Variants in CYP4Z1 observed in about 807,000 individuals in gnomAD.
CYP4Z1 encodes cytochrome P450 family 4 subfamily Z member 1.
CYP4Z1 carries 41 observed loss-of-function variants against 54.2 expected under a neutral mutation model. The observed-to-expected ratio is 0.76, with a 90% confidence interval of 0.59 to 0.98. The LOEUF is 0.98. Ranked by LOEUF, CYP4Z1 falls within the 50% of genes least tolerant of loss-of-function variation. The pLI, the probability that CYP4Z1 is intolerant of heterozygous loss-of-function variation, is 0.00. For synonymous variants in CYP4Z1, 163 were observed against 206.2 expected (o/e 0.79, Z 1.79); for missense variants, 513 against 599.0 (o/e 0.86, Z 1.50).
At chr1:47,061,067 C>T in the CYP4Z1 span, among the ~76,000 whole-genome samples, 1 of 152,068 alleles carries the variant, frequency 6.6e-6, no homozygotes, top group Non-Finnish European at 1.5e-5. Context: ...GAGGGAAGTT[C>T]ATAGCATTAA....
the CYP4Z1 span, among the ~76,000 whole-genome samples, chr1:47,060,168 T>C: frequency 6.6e-6 from 1 of 152,240 alleles, no homozygotes; most frequent in East Asian, 1.9e-4. Flanking sequence ...CAATGTTTGC[T>C]CAAAACTTCT....
At chr1:47,087,583 G>A (rs1169451809) in intron 6 of CYP4Z1, among the ~76,000 whole-genome samples, 2 of 152,166 alleles carry the variant, frequency 1.3e-5, no homozygotes, top group Non-Finnish European at 2.9e-5. Flanking sequence ...ATCAGCTTAA[G>A]GAGATTTTGG....
intron 7 of CYP4Z1, chr1:47,096,922 G>C (rs1250777552): frequency 6.6e-6 from 1 of 152,422 alleles, no homozygotes; most frequent in East Asian, 1.9e-4. Context: ...GAGCCACTGT[G>C]CCTGGCCTCA....
At chr1:47,095,368 T>A (rs924675931) in intron 7 of CYP4Z1, among the ~76,000 whole-genome samples, 1 of 152,198 alleles carries the variant, frequency 6.6e-6, no homozygotes, top group African/African-American at 2.4e-5. Context: ...GTTTCCCTAG[T>A]GATTAGCACA....
intron 4 of CYP4Z1, 27 bp from the exon 5 acceptor site, chr1:47,084,592 TG>T: frequency 2.0e-6 from 3 of 1,535,648 alleles, no homozygotes; most frequent in Non-Finnish European, 2.6e-6. Flanking sequence ...GGCATGTGTA[TG>T]ATCATGATAT....
At chr1:47,091,209 A>G (rs1474778280) in intron 6 of CYP4Z1, among the ~76,000 whole-genome samples, 1 of 141,344 alleles carries the variant, frequency 7.1e-6, no homozygotes, top group African/African-American at 3.0e-5. Flanking sequence ...CTGCAGGGGA[A>G]TACTGGGATT....
intron 9 of CYP4Z1, among the ~76,000 whole-genome samples, chr1:47,114,688 T>C (rs536375556): frequency 1.1e-3 from 173 of 152,096 alleles, no homozygotes; most frequent in South Asian, 6.6e-3. Flanking sequence ...AACAGACACA[T>C]GAAAAAATGC....
In CYP4Z1 at chr1:47,106,189, G is replaced by T; in HGVS notation, c.1129G>T (p.Ala377Ser). 1.9e-6 allele frequency: 3 copies of T among 1,613,772 alleles called. No individual in the cohort carries two copies. The highest frequency in any genetic ancestry group is 2.2e-5 in the South Asian group (2 of 91,052). ...MCIKECLRLY[A>S]PVVNISRLLD... ...CATCAAGGAATGCCTCCGCCTCTAC[G>T]CACCGGTAGTAAACATATCCCGGTT... is the stretch of plus-strand genomic sequence containing the variant. The change falls in exon 9 of 12, where the codon GCA becomes TCA. Residue 377 changes from alanine to serine, a missense_variant. Physicochemically the swap from Ala to Ser is moderately conservative, Grantham distance 99. Coordinates refer to ENST00000334194, the MANE Select transcript of CYP4Z1 (RefSeq NM_178134.3).
At chr1:47,078,552 TTTTCA>T (rs1644541938) in intron 2 of CYP4Z1, among the ~76,000 whole-genome samples, 1 of 140,828 alleles carries the variant, frequency 7.1e-6, no homozygotes, top group Non-Finnish European at 1.5e-5. Context: ...TAACATTTTC[TTTTCA>T]TTTCTTTTTC....
At chr1:47,087,224 C>A (rs868835957) in intron 6 of CYP4Z1, among the ~76,000 whole-genome samples, 25 of 152,074 alleles carry the variant, frequency 1.6e-4, no homozygotes, top group Non-Finnish European at 3.1e-4. Context: ...TTTTCCAATT[C>A]TGTGAAGAAA....
chr1:47,105,021 A>T (rs1411748984), intron 8 of CYP4Z1, among the ~76,000 whole-genome samples: 4 of 152,204 alleles, frequency 2.6e-5, no homozygotes, highest in Non-Finnish European at 5.9e-5. Context: ...TGGAGCAGCC[A>T]TAAGCAAAAG....
At chr1:47,077,751 G>A (rs1222846925) in intron 2 of CYP4Z1, among the ~76,000 whole-genome samples, 1 of 151,632 alleles carries the variant, frequency 6.6e-6, no homozygotes. Context: ...CTCCTGAGCA[G>A]TTGGAACTAC....
intron 9 of CYP4Z1, among the ~76,000 whole-genome samples, chr1:47,114,057 T>C (rs1254068029): frequency 6.6e-6 from 1 of 151,966 alleles, no homozygotes; most frequent in Admixed American, 6.6e-5. Context: ...ACTACAAGGC[T>C]ACAGTAACCA....
chr1:47,055,916 T>C, the CYP4Z1 span, among the ~76,000 whole-genome samples: 8 of 152,304 alleles, frequency 5.3e-5, no homozygotes, highest in Admixed American at 5.2e-4. Flanking sequence ...TGTCTCTATT[T>C]CCTTCAGTTC....
upstream of CYP4Z1, among the ~76,000 whole-genome samples, chr1:47,064,545 C>T (rs114703547): frequency 9.4e-3 from 1,433 of 152,176 alleles, 11 homozygotes; most frequent in African/African-American, 0.032. Flanking sequence ...CTGCTCAAAG[C>T]TCTAAATCTT....
intron 6 of CYP4Z1, among the ~76,000 whole-genome samples, chr1:47,090,624 G>A (rs56386622): frequency 0.16 from 24,386 of 152,178 alleles, 2,713 homozygotes; most frequent in African/African-American, 0.32. Context: ...TGGTGAGGTA[G>A]GAGAGGGACT....
chr1:47,061,691 C>T, the CYP4Z1 span, among the ~76,000 whole-genome samples: 1 of 152,238 alleles, frequency 6.6e-6, no homozygotes, highest in East Asian at 1.9e-4. Context: ...ATAAGACCAG[C>T]ATCATCCTGG....
chr1:47,094,254 C>T (rs1644659962), intron 6 of CYP4Z1, among the ~76,000 whole-genome samples: 1 of 152,170 alleles, frequency 6.6e-6, no homozygotes, highest in South Asian at 2.1e-4. Context: ...ACAAATTTTA[C>T]AACCTTTGAA....
intron 8 of CYP4Z1, among the ~76,000 whole-genome samples, chr1:47,102,538 C>T (rs1364958382): frequency 6.6e-6 from 1 of 151,964 alleles, no homozygotes; most frequent in Non-Finnish European, 1.5e-5. Context: ...GTGATGAATT[C>T]CCTCAGCTTC....
Sources: allele counts gnomAD v4.1 joint callset (sites outside exome capture counted in the v4.1 genomes callset), GRCh38; gene constraint gnomAD v4.1.1; transcripts MANE v1.5; gene names NCBI Gene and HGNC (gene_info 2026-07-23, HGNC 2026-07-21).